The following MON2 variants were observed in gnomAD, a reference collection of about 807,000 sequenced individuals.
MON2 encodes MON2 regulator of endosome-to-Golgi trafficking.
In MON2, 84 loss-of-function variants were observed where a neutral mutation model predicts 208.6. The observed-to-expected ratio is 0.40, with a 90% CI of 0.34 to 0.48. The LOEUF (loss-of-function observed/expected upper bound fraction) is 0.48, where lower values mean the gene tolerates loss of function less well. Among genes scored for constraint, MON2 ranks in the 20% least tolerant of loss-of-function variants. The pLI is 0.59. For synonymous variants in MON2, 660 were observed against 694.0 expected (o/e 0.95, Z 0.77); for missense variants, 1,611 against 2,015.4 (o/e 0.80, Z 3.84).
intron 8 of MON2, among the ~76,000 whole-genome samples, chr12:62,512,784 A>G (rs2071479087): frequency 6.6e-6 from 1 of 152,182 alleles, no homozygotes; most frequent in African/African-American, 2.4e-5. Context: ...GAGGTTCTCC[A>G]TGAAGACCCT....
At chr12:62,584,448 A>C (rs1216242584) in intron 32 of MON2, among the ~76,000 whole-genome samples, 1 of 152,208 alleles carries the variant, frequency 6.6e-6, no homozygotes, top group Admixed American at 6.5e-5. Context: ...TCACGCCTGT[A>C]ATCTCAGCAC....
chr12:62,577,257 C>G (rs775626078), intron 30 of MON2, among the ~76,000 whole-genome samples: 1 of 151,888 alleles, frequency 6.6e-6, no homozygotes, highest in Non-Finnish European at 1.5e-5. Flanking sequence ...TACTCTAGTT[C>G]CTACTACCAA....
At chr12:62,515,671 T>C (rs937271464) in intron 8 of MON2, among the ~76,000 whole-genome samples, 1 of 151,984 alleles carries the variant, frequency 6.6e-6, no homozygotes, top group African/African-American at 2.4e-5. Context: ...AAAAATTAGC[T>C]GGGTGTGGTG....
chr12:62,503,086 C>A (rs1483142194), intron 7 of MON2, among the ~76,000 whole-genome samples: 1 of 152,206 alleles, frequency 6.6e-6, no homozygotes, highest in Non-Finnish European at 1.5e-5. Flanking sequence ...GTCATAGTAG[C>A]TGTCATTTCT....
intron 2 of MON2, among the ~76,000 whole-genome samples, chr12:62,485,377 G>A (rs2069709911): frequency 6.6e-6 from 1 of 152,176 alleles, no homozygotes; most frequent in South Asian, 2.1e-4. Flanking sequence ...ATCTGTAACT[G>A]GTGGGATTTC....
chr12:62,484,420 G>A (rs752352116), intron 2 of MON2, among the ~76,000 whole-genome samples, 187 bp downstream of exon 2: 5 of 152,098 alleles, frequency 3.3e-5, no homozygotes, highest in Admixed American at 2.0e-4. Context: ...TCCCAGAGAC[G>A]AATGCTACAA....
Position 62,546,935 on chromosome 12 carries a change from G to A in MON2, c.2616G>A (p.Met872Ile). The change falls in exon 22 of 35, where the codon ATG becomes ATA. Residue 872 changes from methionine to isoleucine, a missense_variant. Met to Ile is a conservative substitution (Grantham distance 10). Transcript: ENST00000393630. ...TTTTATTGAACCCGTTAAAGGAGAT[G>A]TCCAATATTAATCATCCAGATATTC... ...QLLLLNPLKE[M>I]SNINHPDIRL... 3.1e-6 allele frequency: 5 copies of A among 1,613,098 alleles called. No individual in the cohort carries two copies. Among genetic ancestry groups the A allele is most frequent in the Non-Finnish European group, 4.2e-6 (5 of 1,179,422 alleles).
chr12:62,525,185 C>T lies in MON2; in HGVS notation c.1211C>T (p.Pro404Leu), dbSNP rs144560708. The change falls in exon 10 of 35, where the codon CCC (proline) becomes CTC (leucine). Residue 404 changes from proline to leucine, a missense_variant. Pro to Leu is a moderately conservative substitution (Grantham distance 98, BLOSUM62 -3). Coordinates refer to ENST00000393630, the MANE Select transcript of MON2 (RefSeq NM_015026.3). Reference sequence around the variant, plus strand: ...TTTATACAGTCCTTGTTTCTTGTCCCCCCTACTGGAAATCCTGCAACAAGC... The same window carrying T: ...TTTATACAGTCCTTGTTTCTTGTCCTCCCTACTGGAAATCCTGCAACAAGC... ...GSFIQSLFLV[P>L]PTGNPATSNQ... 320 of 1,613,118 alleles carry T rather than the reference C, an allele frequency of 2.0e-4. No individual in the cohort carries two copies. The highest frequency in any genetic ancestry group is 2.5e-4 in the Non-Finnish European group (291 of 1,179,480).
intron 8 of MON2, among the ~76,000 whole-genome samples, chr12:62,516,755 A>T (rs2071717812): frequency 6.6e-6 from 1 of 152,162 alleles, no homozygotes; most frequent in Non-Finnish European, 1.5e-5. Context: ...TAGCACAAAG[A>T]AATGATAAAT....
intron 32 of MON2, among the ~76,000 whole-genome samples, chr12:62,581,756 G>A (rs2136460470): frequency 6.6e-6 from 1 of 152,152 alleles, no homozygotes; most frequent in East Asian, 1.9e-4. Context: ...GCTTGATTCG[G>A]GAAGCGGAGG....
intron 29 of MON2, among the ~76,000 whole-genome samples, chr12:62,570,060 T>G (rs1199440363): frequency 2.0e-5 from 3 of 152,212 alleles, no homozygotes; most frequent in Admixed American, 6.5e-5. Flanking sequence ...TGCTGTGTGT[T>G]AGTTCATTAT....
At position 62,600,017 on chromosome 12, in the gene MON2, C is replaced by T. The variant is rs1332624631; in HGVS notation, c.*7268C>T. On this transcript the variant is annotated 3_prime_UTR_variant, in exon 35 of 35. Coordinates refer to ENST00000393630, the MANE Select transcript of MON2 (RefSeq NM_015026.3). Reference sequence around the variant, plus strand: ...AAATAACAGCATTGTGGTTAAGAGCCCAGAGTCTGGGGCCAGGCTTCTTAG... The same window carrying T: ...AAATAACAGCATTGTGGTTAAGAGCTCAGAGTCTGGGGCCAGGCTTCTTAG... The T allele has an allele frequency of 6.6e-6, 1 of 151,990 alleles. No individual in the cohort carries two copies. The highest frequency in any genetic ancestry group is 1.5e-5 in the Non-Finnish European group (1 of 67,992). The allele number at this position is 151,990 out of a possible 1,614,324, so 9.4% of individuals were successfully genotyped here. A position where few individuals can be genotyped will look rare whatever the true frequency, so the allele number is the denominator to read the frequency against.
intron 25 of MON2, 107 bp from the exon 26 acceptor site, chr12:62,560,384 A>G: frequency 9.0e-7 from 1 of 1,115,598 alleles, no homozygotes; most frequent in Non-Finnish European, 1.3e-6. Flanking sequence ...CCAGTTCTGT[A>G]GGATTTTAAG....
chr12:62,525,144 A>G lies in MON2; in HGVS notation c.1170A>G (p.Val390=). ...QHSTKVFRDI[V]NALGSFIQSL... Reference sequence around the variant, plus strand: ...CTACCAAGGTTTTTCGTGATATTGTAAATGCACTGGGATCTTTTATACAGT... The same window carrying G: ...CTACCAAGGTTTTTCGTGATATTGTGAATGCACTGGGATCTTTTATACAGT... Residue 390 remains valine, a synonymous_variant, in exon 10 of 35, where the codon GTA becomes GTG. Transcript: ENST00000393630. 6.2e-7 allele frequency: 1 copy of G among 1,612,070 alleles called. No homozygotes were observed. The highest frequency in any genetic ancestry group is 8.5e-7 in the Non-Finnish European group (1 of 1,178,230).
chr12:62,556,110 G>A lies in MON2; in HGVS notation c.3327G>A (p.Lys1109=), dbSNP rs765752046. The change falls in exon 25 of 35, where the codon AAG becomes AAA. Residue 1109 remains lysine, a synonymous_variant. Transcript: ENST00000393630. ...LIHHSRDTAE[K]QWAETWVLTL... is the part of the protein sequence containing the mutation. The stretch of plus-strand genomic sequence containing the variant: ...ATCATTCAAGGGACACCGCCGAGAA[G>A]CAATGGGCTGAGACGTGGGTATTAA... 8 of 1,614,118 alleles carry A rather than the reference G, an allele frequency of 5.0e-6. No homozygotes were observed. In the South Asian group the frequency reaches 8.8e-5, roughly 18 times the overall value.
Position 62,595,070 on chromosome 12 carries a change from A to G in MON2, c.*2321A>G, listed in dbSNP as rs1238310566. On this transcript the variant is annotated 3_prime_UTR_variant, in exon 35 of 35. Coordinates refer to ENST00000393630, the MANE Select transcript of MON2 (RefSeq NM_015026.3). ...AAAGATAAGATCATTTTATGGCACA[A>G]TTGAGTCTATAACCAGCCCTTTAAG... 1.3e-5 allele frequency: 2 copies of G among 152,136 alleles called. No individual in the cohort carries two copies. The highest frequency in any genetic ancestry group is 6.6e-5 in the Admixed American group (1 of 15,264). 9.4% of individuals were successfully genotyped at this position (152,136 alleles called of 1,614,324 possible). A position where few individuals can be genotyped will look rare whatever the true frequency, so the allele number is the denominator to read the frequency against.
chr12:62,546,363 T>C (rs2073483067), intron 21 of MON2, among the ~76,000 whole-genome samples: 1 of 152,184 alleles, frequency 6.6e-6, no homozygotes, highest in African/African-American at 2.4e-5. Flanking sequence ...TTATCTAAAA[T>C]CTAACATCTT....
chr12:62,484,314 C>T, intron 2 of MON2, 81 bp downstream of exon 2: 2 of 899,206 alleles, frequency 2.2e-6, no homozygotes, highest in Non-Finnish European at 3.5e-6. Context: ...TAAAAGCCAT[C>T]AGTTTTCTGT....
intron 2 of MON2, among the ~76,000 whole-genome samples, chr12:62,492,337 C>T (rs1370311346): frequency 6.9e-6 from 1 of 145,876 alleles, no homozygotes; most frequent in Admixed American, 6.8e-5. Context: ...TGTCTTGCCT[C>T]AAAAAATAAC....
Sources: gnomAD v4.1 joint callset for allele counts (sites outside exome capture counted in the v4.1 genomes callset) on GRCh38, gnomAD v4.1.1 for gene constraint, MANE v1.5 for transcripts, NCBI Gene and HGNC (gene_info 2026-07-23, HGNC 2026-07-21) for gene names.